The following KLHDC4 variants were observed in gnomAD, a reference collection of about 807,000 sequenced individuals.
KLHDC4 encodes the protein kelch domain containing 4.
A neutral mutation model predicts 62.4 loss-of-function variants in KLHDC4; 90 were observed. The observed-to-expected ratio is 1.44, with a 90% CI of 1.22 to 1.72. The LOEUF is 1.72. KLHDC4 is among the 40% of genes most tolerant of loss of function. KLHDC4 has a pLI of 0.00. For synonymous variants in KLHDC4, 386 were observed against 284.4 expected, an observed-to-expected ratio of 1.36 and a Z score of -3.59; for missense variants, 1,025 against 699.7, an observed-to-expected ratio of 1.47 and a Z score of -5.25.
intron 5 of KLHDC4, among the ~76,000 whole-genome samples, chr16:87,747,339 C>G (rs958559297): frequency 2.6e-5 from 4 of 152,156 alleles, no homozygotes; most frequent in African/African-American, 9.7e-5. Flanking sequence ...ATCGATTTGC[C>G]AAAGATAAAC....
At chr16:87,717,630 T>C (rs1012912714) in intron 7 of KLHDC4, among the ~76,000 whole-genome samples, 1 of 152,238 alleles carries the variant, frequency 6.6e-6, no homozygotes, top group Admixed American at 6.5e-5. Flanking sequence ...CTAGTCTCTT[T>C]TTGTAACAGG....
intron 5 of KLHDC4, among the ~76,000 whole-genome samples, chr16:87,737,171 G>C (rs2041473024): frequency 6.8e-6 from 1 of 146,768 alleles, no homozygotes; most frequent in Admixed American, 6.9e-5. Context: ...ACCCAGGAAA[G>C]CAGTCAGTGG....
At chr16:87,750,340 C>T (rs982995699) in intron 4 of KLHDC4, 1 of 152,378 alleles carries the variant, frequency 6.6e-6, no homozygotes, top group Non-Finnish European at 1.5e-5. Context: ...TGCATCTCCA[C>T]AGGTGAGAGC....
chr16:87,755,402 T>A, intron 3 of KLHDC4, 110 bp from the exon 4 acceptor site: 1 of 637,946 alleles, frequency 1.6e-6, no homozygotes, highest in Admixed American at 2.4e-5. Flanking sequence ...GCTAAAGGAA[T>A]GTAAACCATA....
At chr16:87,712,967 T>C (rs2036190937) in intron 8 of KLHDC4, among the ~76,000 whole-genome samples, 1 of 152,206 alleles carries the variant, frequency 6.6e-6, no homozygotes, top group African/African-American at 2.4e-5. Context: ...GCAAACACCC[T>C]TGATCTGTGC....
chr16:87,748,402 C>T (rs948961166), intron 5 of KLHDC4, among the ~76,000 whole-genome samples: 1 of 152,206 alleles, frequency 6.6e-6, no homozygotes, highest in African/African-American at 2.4e-5. Flanking sequence ...AGAAGAGCTG[C>T]AACACAGGCA....
chr16:87,733,618 GGA>G, intron 5 of KLHDC4, among the ~76,000 whole-genome samples: 1 of 148,896 alleles, frequency 6.7e-6, no homozygotes, highest in Non-Finnish European at 1.5e-5. Context: ...CCACTCCCTG[GGA>G]TCCTCACTGA....
At chr16:87,705,011 G>A (rs763975387), downstream of KLHDC4, among the ~76,000 whole-genome samples, 5 of 152,258 alleles carry the variant, frequency 3.3e-5, no homozygotes, top group Non-Finnish European at 7.3e-5. Flanking sequence ...CTGCTGCCAA[G>A]CGGGCCGGCC....
In KLHDC4 at chr16:87,761,970, G is replaced by C. The variant is rs188149202; in HGVS notation, c.170C>G (p.Pro57Arg). Reference sequence around the variant, plus strand: ...TCACCTTGGTGAGGGTGGGGGGCACGGAAGTTCCACAGTCTGAGTCCTCTT... The same window carrying C: ...TCACCTTGGTGAGGGTGGGGGGCACCGAAGTTCCACAGTCTGAGTCCTCTT... ...DAKRTQTVEL[P>R]CPPPSPRLNA... The change falls in exon 2 of 12, where the codon CCG becomes CGG. Residue 57 changes from proline to arginine, a missense_variant. Physicochemically the swap from Pro to Arg is moderately radical, Grantham distance 103. Transcript: ENST00000270583. The C allele has an allele frequency of 6.2e-7, 1 of 1,613,820 alleles. No individual in the cohort carries two copies. Among genetic ancestry groups the C allele is most frequent in the Non-Finnish European group, 8.5e-7 (1 of 1,179,904 alleles).
intron 5 of KLHDC4, among the ~76,000 whole-genome samples, chr16:87,745,660 G>T (rs866850506): frequency 3.9e-5 from 6 of 152,168 alleles, no homozygotes; most frequent in Non-Finnish European, 7.3e-5. Flanking sequence ...GCGTTCACTC[G>T]CACTGAAGGT....
At chr16:87,715,587 T>A (rs1188077323) in intron 7 of KLHDC4, among the ~76,000 whole-genome samples, 1 of 152,158 alleles carries the variant, frequency 6.6e-6, no homozygotes, top group Non-Finnish European at 1.5e-5. Flanking sequence ...ATGATAGCTG[T>A]GTGGATGGCT....
At chr16:87,722,316 T>C (rs2038538888) in intron 7 of KLHDC4, among the ~76,000 whole-genome samples, 1 of 152,180 alleles carries the variant, frequency 6.6e-6, no homozygotes, top group African/African-American at 2.4e-5. Flanking sequence ...GCTACTCAGA[T>C]GCATCTCCTG....
At chr16:87,721,326 AT>A (rs2038274495) in intron 7 of KLHDC4, among the ~76,000 whole-genome samples, 1 of 149,996 alleles carries the variant, frequency 6.7e-6, no homozygotes, top group Non-Finnish European at 1.5e-5. Flanking sequence ...AGGCAGGAGA[AT>A]GGCGTGAACC....
chr16:87,761,017 A>G (rs570297376), intron 2 of KLHDC4, among the ~76,000 whole-genome samples: 2 of 152,194 alleles, frequency 1.3e-5, no homozygotes, highest in Non-Finnish European at 2.9e-5. Context: ...TGGATGACAG[A>G]GTGAGACTCC....
chr16:87,737,568 C>T (rs2041546536), intron 5 of KLHDC4, among the ~76,000 whole-genome samples: 1 of 150,370 alleles, frequency 6.7e-6, no homozygotes, highest in East Asian at 2.0e-4. Flanking sequence ...AGCTCACCTT[C>T]CCGGTTTCTC....
chr16:87,742,005 C>T (rs188649257), intron 5 of KLHDC4, among the ~76,000 whole-genome samples: 40 of 152,274 alleles, frequency 2.6e-4, no homozygotes, highest in Non-Finnish European at 4.6e-4. Context: ...GTGCTCTGCA[C>T]GAGGCCTGAC....
Position 87,755,208 on chromosome 16 carries a change from G to A in KLHDC4, c.355C>T (p.Arg119Cys), listed in dbSNP as rs377417507. 8.1e-6 allele frequency: 13 copies of A among 1,608,510 alleles called. No individual in the cohort carries two copies. Among genetic ancestry groups the A allele is most frequent in the African/African-American group, 5.3e-5 (4 of 74,814 alleles). ...GCTGACATTACCTGGTGAGCACAGCGCCTCGGAGGTGGACTGGGGATGTCA... is the reference window on the plus strand; with the variant it reads ...GCTGACATTACCTGGTGAGCACAGCACCTCGGAGGTGGACTGGGGATGTCA... ...KVDIPSPPPR[R>C]CAHQAVVVPQ... The change falls in exon 4 of 12, where the codon CGC becomes TGC. Residue 119 changes from arginine (R) to cysteine (C), a missense_variant. Transcript: ENST00000270583.
chr16:87,765,861 C>G lies in KLHDC4; in HGVS notation c.30G>C (p.Lys10Asn), dbSNP rs1309787692. 6 of 1,552,424 alleles carry G rather than the reference C, an allele frequency of 3.9e-6. No homozygotes were observed. The highest frequency in any genetic ancestry group is 1.2e-5 in the South Asian group (1 of 84,146). Residue 10 changes from lysine to asparagine, a missense_variant, in exon 1 of 12, where the codon AAG becomes AAC. Lys to Asn is a moderately conservative substitution (Grantham distance 94). Coordinates refer to ENST00000270583, the MANE Select transcript of KLHDC4 (RefSeq NM_017566.4). MGKKGKKEK[K>N]GRGAEKTAAK... ...CGGCCGTCTTCTCCGCGCCGCGGCC[C>G]TTCTTCTCCTTCTTGCCCTTCTTGC...
chr16:87,706,838 C>T (rs923340288), downstream of KLHDC4, among the ~76,000 whole-genome samples: 10 of 152,184 alleles, frequency 6.6e-5, no homozygotes, highest in Non-Finnish European at 1.0e-4. Flanking sequence ...TTCCTGGGCC[C>T]ACCTGGAGCC....
Sources: allele counts gnomAD v4.1 joint callset (sites outside exome capture counted in the v4.1 genomes callset), GRCh38; gene constraint gnomAD v4.1.1; transcripts MANE v1.5; gene names NCBI Gene and HGNC (gene_info 2026-07-23, HGNC 2026-07-21).